The following DCC variants were observed in gnomAD, a reference collection of about 807,000 sequenced individuals.
DCC encodes the protein netrin receptor DCC.
In DCC, 58 loss-of-function variants were observed where a neutral mutation model predicts 172.5. The ratio of observed to expected loss-of-function variants is 0.34; its 90% confidence interval spans 0.27 to 0.42. DCC has a LOEUF of 0.42. Among genes scored for constraint, DCC ranks in the 10% least tolerant of loss-of-function variants. The pLI is 1.00. For missense variants in DCC, 1,740 were observed against 1,791.0 expected, an observed-to-expected ratio of 0.97 and a Z score of 0.51; for synonymous variants, 709 against 644.5, an observed-to-expected ratio of 1.10 and a Z score of -1.52.
intron 15 of DCC, among the ~76,000 whole-genome samples, chr18:53,354,450 C>G (rs531122127): frequency 6.6e-6 from 1 of 152,174 alleles, no homozygotes; most frequent in East Asian, 1.9e-4. Context: ...TTAATGCTCG[C>G]CATTCTAACT....
At chr18:53,313,228 A>G in intron 13 of DCC, among the ~76,000 whole-genome samples, 1 of 151,908 alleles carries the variant, frequency 6.6e-6, no homozygotes, top group African/African-American at 2.4e-5. Context: ...AATAGGGTAT[A>G]TTTATTTATT....
chr18:52,978,655 C>T (rs1235429457), intron 5 of DCC, among the ~76,000 whole-genome samples: 1 of 152,122 alleles, frequency 6.6e-6, no homozygotes, highest in Non-Finnish European at 1.5e-5. Flanking sequence ...CTGCAGGACT[C>T]AATTCCAGAA....
At chr18:53,313,630 A>T (rs2057309765) in intron 13 of DCC, among the ~76,000 whole-genome samples, 1 of 152,202 alleles carries the variant, frequency 6.6e-6, no homozygotes, top group Non-Finnish European at 1.5e-5. Context: ...CCACTGTCAA[A>T]AATAATAGAA....
intron 5 of DCC, among the ~76,000 whole-genome samples, chr18:53,036,890 G>C (rs1042431423): frequency 1.3e-5 from 2 of 151,952 alleles, no homozygotes; most frequent in African/African-American, 4.8e-5. Flanking sequence ...GGGTACAATT[G>C]AATCCTTCAG....
At chr18:53,038,542 C>T (rs2042125522) in intron 5 of DCC, among the ~76,000 whole-genome samples, 1 of 151,994 alleles carries the variant, frequency 6.6e-6, no homozygotes. Flanking sequence ...GGTAGAAGCT[C>T]CGCAGAACTT....
chr18:52,959,795 C>T (rs927741661), intron 5 of DCC, among the ~76,000 whole-genome samples: 5 of 152,006 alleles, frequency 3.3e-5, no homozygotes, highest in African/African-American at 1.2e-4. Flanking sequence ...ATCTGGTTTA[C>T]AAAATAAGTC....
At chr18:53,383,563 C>T (rs1395537072) in intron 15 of DCC, among the ~76,000 whole-genome samples, 3 of 148,924 alleles carry the variant, frequency 2.0e-5, no homozygotes, top group Non-Finnish European at 1.5e-5. Flanking sequence ...GGCATGTTTT[C>T]TACTTTAAGA....
At chr18:52,760,305 G>A (rs1028254873) in intron 2 of DCC, among the ~76,000 whole-genome samples, 1 of 152,196 alleles carries the variant, frequency 6.6e-6, no homozygotes, top group Non-Finnish European at 1.5e-5. Context: ...CATGAGAACA[G>A]CATTGGGGAA....
intron 20 of DCC, 81 bp downstream of exon 20, chr18:53,410,727 C>A: frequency 1.2e-6 from 1 of 864,864 alleles, no homozygotes; most frequent in Non-Finnish European, 2.0e-6. Flanking sequence ...TAGAAATGGC[C>A]CTGCACCATC....
intron 1 of DCC, among the ~76,000 whole-genome samples, chr18:52,426,980 G>A (rs1019856441): frequency 7.2e-5 from 11 of 152,062 alleles, no homozygotes; most frequent in African/African-American, 2.4e-4. Flanking sequence ...TGACGTAGGT[G>A]CTGTTTTTAA....
At chr18:52,603,847 A>G (rs1445661274) in intron 1 of DCC, among the ~76,000 whole-genome samples, 2 of 150,212 alleles carry the variant, frequency 1.3e-5, no homozygotes, top group African/African-American at 2.4e-5. Context: ...TTCTTGATTT[A>G]ATTTACATAG....
chr18:53,318,578 G>A (rs1401261666), intron 13 of DCC, among the ~76,000 whole-genome samples: 3 of 152,022 alleles, frequency 2.0e-5, no homozygotes. Context: ...TATTGACAGT[G>A]GGTGTTAAAG....
chr18:52,984,558 C>T (rs918656167), intron 5 of DCC, among the ~76,000 whole-genome samples: 13 of 151,912 alleles, frequency 8.6e-5, no homozygotes, highest in African/African-American at 3.1e-4. Context: ...TGTAGAAATC[C>T]ACTGTAATTA....
At chr18:52,799,015 C>T (rs1368498516) in intron 2 of DCC, among the ~76,000 whole-genome samples, 1 of 152,194 alleles carries the variant, frequency 6.6e-6, no homozygotes, top group Non-Finnish European at 1.5e-5. Flanking sequence ...TCCCAAAATG[C>T]TGGGATTACA....
chr18:52,743,800 A>G (rs903083532), intron 1 of DCC, among the ~76,000 whole-genome samples: 2 of 152,178 alleles, frequency 1.3e-5, no homozygotes, highest in South Asian at 2.1e-4. Context: ...TCTTACCTTT[A>G]TATTTCCAAA....
At chr18:52,658,212 G>C (rs1281526842) in intron 1 of DCC, among the ~76,000 whole-genome samples, 2 of 152,162 alleles carry the variant, frequency 1.3e-5, no homozygotes, top group African/African-American at 4.8e-5. Context: ...TGTTAATCCA[G>C]TTGAGACACC....
intron 1 of DCC, among the ~76,000 whole-genome samples, chr18:52,596,657 C>T (rs1282160887): frequency 1.3e-5 from 2 of 152,158 alleles, no homozygotes; most frequent in African/African-American, 4.8e-5. Context: ...AAATGACCTG[C>T]TGAAAGACAG....
rs2045459133 is a variant in DCC at position 53,454,463 on chromosome 18, TC to T, written c.3392+3803del. On this transcript the variant is annotated intron_variant, in intron 23 of 28. Transcript: ENST00000442544. ...AACACATGTTATTAGTTAGACTTTA[TC>T]CACAGATACTAAGGACAAAAATATA... Among the ~76,000 whole-genome samples, 6 of 152,340 alleles carry T rather than the reference TC, an allele frequency of 3.9e-5. No individual in the cohort carries two copies. The South Asian group carries it at 1.2e-3, about 32-fold the overall frequency.
intron 15 of DCC, among the ~76,000 whole-genome samples, chr18:53,365,782 G>C (rs1022122423): frequency 3.3e-5 from 5 of 152,196 alleles, no homozygotes; most frequent in African/African-American, 1.2e-4. Context: ...AAAAGGCTGA[G>C]AGAACAGTGG....
Sources: gnomAD v4.1 joint callset for allele counts (sites outside exome capture counted in the v4.1 genomes callset) on GRCh38, gnomAD v4.1.1 for gene constraint, MANE v1.5 for transcripts, NCBI Gene and HGNC (gene_info 2026-07-23, HGNC 2026-07-21) for gene names.